LHX9: variants seen among roughly 807,000 people sequenced by gnomAD.
LHX9 encodes LIM/homeobox protein Lhx9.
In LHX9, 9 loss-of-function variants were observed where a neutral mutation model predicts 36.5. The ratio of observed to expected loss-of-function variants is 0.25; its 90% confidence interval spans 0.15 to 0.43. LHX9 has a LOEUF of 0.43. Among genes scored for constraint, LHX9 ranks in the 20% least tolerant of loss-of-function variants. The pLI is 1.00. For synonymous variants in LHX9, 211 were observed against 212.1 expected (o/e 0.99, Z 0.04); for missense variants, 464 against 526.4 (o/e 0.88, Z 1.16).
At chr1:197,920,973 A>G (rs1659965853) in intron 2 of LHX9, among the ~76,000 whole-genome samples, 1 of 152,140 alleles carries the variant, frequency 6.6e-6, no homozygotes, top group Non-Finnish European at 1.5e-5. Context: ...TTCACTTGGC[A>G]TGGCAATTTA....
intron 3 of LHX9, among the ~76,000 whole-genome samples, chr1:197,922,655 G>A (rs1215055971): frequency 1.3e-5 from 2 of 152,186 alleles, no homozygotes; most frequent in Admixed American, 6.5e-5. Flanking sequence ...CTTTTGGGGA[G>A]CCTAAGGACC....
At chr1:197,925,832 C>T (rs943248801) in intron 3 of LHX9, among the ~76,000 whole-genome samples, 3 of 152,124 alleles carry the variant, frequency 2.0e-5, no homozygotes, top group South Asian at 2.1e-4. Context: ...GATTTAATTT[C>T]GCATTAATAC....
chr1:197,931,877 G>A lies in LHX9; in HGVS notation c.*2618G>A. On this transcript the variant is annotated 3_prime_UTR_variant, in exon 5 of 5. Transcript: ENST00000367387. ...GAAATTGCAGACCCCTAAAAGCCAA[G>A]TTGCTCTGTAGTTAATAAATTGTCA... 1 of 1,468,608 alleles carries A rather than the reference G, an allele frequency of 6.8e-7. No individual in the cohort carries two copies. The highest frequency in any genetic ancestry group is 9.3e-7 in the Non-Finnish European group (1 of 1,075,442). 91.0% of individuals were successfully genotyped at this position (1,468,608 alleles called of 1,614,324 possible).
At chr1:197,928,858 G>A (rs1571407951) in intron 4 of LHX9, 144 bp from the exon 5 acceptor site, 4 of 935,654 alleles carry the variant, frequency 4.3e-6, no homozygotes, top group African/African-American at 2.5e-5. Context: ...TCCTAAGAAA[G>A]ACAAACAATG....
At position 197,917,771 on chromosome 1, in the gene LHX9, C is replaced by G. The variant is rs1049007254; in HGVS notation, c.-53C>G. ...CTGCGCTCCTACAGGGCAGCCCTCT[C>G]TGGTCCCTTGCCTCCTTCACTCGGA... is the stretch of plus-strand genomic sequence containing the variant. On this transcript the variant is annotated 5_prime_UTR_variant, in exon 1 of 5. Coordinates refer to ENST00000367387, the MANE Select transcript of LHX9 (RefSeq NM_020204.3). 35 of 1,613,636 alleles carry G rather than the reference C, an allele frequency of 2.2e-5. No individual in the cohort carries two copies. The highest frequency in any genetic ancestry group is 5.3e-5 in the African/African-American group (4 of 74,922).
Position 197,919,981 on chromosome 1 carries a change from C to T in LHX9, c.184C>T (p.Pro62Ser). The change falls in exon 2 of 5, where the codon CCG (proline) becomes TCG (serine). Residue 62 changes from proline (P) to serine (S), a missense_variant. By Grantham distance (74) the Pro-to-Ser change is moderately conservative (BLOSUM62 -1). This residue lies in a region of LHX9 where 119 missense variants were observed against 102.4 expected (regional missense o/e 1.16). Transcript: ENST00000367387. ...QLNGRDAGMP[P>S]LSPEKPALCA... is the part of the protein sequence containing the mutation. ...TGTGCTTTCTTTGCAGGGCATGCCC[C>T]CGCTCAGCCCGGAGAAGCCCGCCCT... 6.2e-7 allele frequency: 1 copy of T among 1,614,100 alleles called. No individual in the cohort carries two copies.
At chr1:197,927,839 T>A (rs769592558) in intron 4 of LHX9, 46 bp downstream of exon 4, 1 of 1,535,630 alleles carries the variant, frequency 6.5e-7, no homozygotes, top group South Asian at 1.1e-5. Context: ...CCCTTCCCCT[T>A]CCCAGTAAAA....
Position 197,934,318 on chromosome 1 carries a change from G to C in LHX9, c.*5059G>C, listed in dbSNP as rs1166620636. The C allele has an allele frequency of 6.6e-6, 1 of 152,056 alleles. No individual in the cohort carries two copies. Among genetic ancestry groups the C allele is most frequent in the Non-Finnish European group, 1.5e-5 (1 of 68,000 alleles). 9.4% of individuals were successfully genotyped at this position (152,056 alleles called of 1,614,324 possible). A position where few individuals can be genotyped will look rare whatever the true frequency, so the allele number is the denominator to read the frequency against. On this transcript the variant is annotated 3_prime_UTR_variant, in exon 5 of 5. Transcript: ENST00000367387. ...TTTTCTGTTGCAGTGTGACTGCAAG[G>C]CATGTTGTGGTGGAAATCATTAGAA... is the stretch of plus-strand genomic sequence containing the variant.
In LHX9 at chr1:197,919,986, C is replaced by T. The variant is rs1449746336; in HGVS notation, c.189C>T (p.Leu63=). The T allele has an allele frequency of 6.2e-7, 1 of 1,614,164 alleles. No individual in the cohort carries two copies. The highest frequency in any genetic ancestry group is 8.5e-7 in the Non-Finnish European group (1 of 1,180,054). Residue 63 remains leucine (L), a synonymous_variant, in exon 2 of 5, where the codon CTC becomes CTT. Coordinates refer to ENST00000367387, the MANE Select transcript of LHX9 (RefSeq NM_020204.3). ...LNGRDAGMPP[L]SPEKPALCAG... is the part of the protein sequence containing the mutation. ...TTTCTTTGCAGGGCATGCCCCCGCT[C>T]AGCCCGGAGAAGCCCGCCCTGTGCG...
chr1:197,917,507 AGTT>A lies in LHX9; in HGVS notation c.-313_-311del, dbSNP rs1659803200. On this transcript the variant is annotated 5_prime_UTR_variant, in exon 1 of 5. Coordinates refer to ENST00000367387, the MANE Select transcript of LHX9 (RefSeq NM_020204.3). ...GATTTTGTTTTCCTCCCCCCGCTGC[AGTT>A]GTTTCCCATTAGTAACTCGATCTCT... 2 of 1,400,618 alleles carry A rather than the reference AGTT, an allele frequency of 1.4e-6. No individual in the cohort carries two copies. Among genetic ancestry groups the A allele is most frequent in the Non-Finnish European group, 1.9e-6 (2 of 1,051,456 alleles). 86.8% of individuals were successfully genotyped at this position (1,400,618 alleles called of 1,614,324 possible). A position where few individuals can be genotyped will look rare whatever the true frequency, so the allele number is the denominator to read the frequency against.
Position 197,933,995 on chromosome 1 carries a change from T to A in LHX9, c.*4736T>A, listed in dbSNP as rs1417042945. The A allele has an allele frequency of 6.6e-6, 1 of 152,188 alleles. No individual in the cohort carries two copies. Among genetic ancestry groups the A allele is most frequent in the African/African-American group, 2.4e-5 (1 of 41,450 alleles). The allele number at this position is 152,188 out of a possible 1,614,324, so 9.4% of individuals were successfully genotyped here. A position where few individuals can be genotyped will look rare whatever the true frequency, so the allele number is the denominator to read the frequency against. On this transcript the variant is annotated 3_prime_UTR_variant, in exon 5 of 5. Coordinates refer to ENST00000367387, the MANE Select transcript of LHX9 (RefSeq NM_020204.3). ...CTGGGTTAGTCTAACTTCTGGCAGA[T>A]TGATCTTGGGCAAAAAGCTTCACTG...
At chr1:197,922,756 C>A (rs1229940654) in intron 3 of LHX9, among the ~76,000 whole-genome samples, 1 of 152,132 alleles carries the variant, frequency 6.6e-6, no homozygotes, top group Non-Finnish European at 1.5e-5. Context: ...TTGGAAGGAA[C>A]CTTGAGGACC....
intron 4 of LHX9, 97 bp from the exon 5 acceptor site, chr1:197,928,905 A>AAT: frequency 9.4e-6 from 11 of 1,167,288 alleles, no homozygotes; most frequent in Non-Finnish European, 1.3e-5. Context: ...AAAAAAAAAA[A>AAT]GAAAGAAAGA....
chr1:197,913,669 G>A (rs1659676448), upstream of LHX9, among the ~76,000 whole-genome samples: 1 of 152,182 alleles, frequency 6.6e-6, no homozygotes, highest in African/African-American at 2.4e-5. Context: ...TGACGCTGAC[G>A]TTTCACTGGG....
chr1:197,931,772 G>C lies in LHX9; in HGVS notation c.*2513G>C. ...AGGCTAATTAGCATATAAAGTAATT[G>C]CATGGAACGAAACCTTAAATATGAT... On this transcript the variant is annotated 3_prime_UTR_variant, in exon 5 of 5. Transcript: ENST00000367387. The C allele has an allele frequency of 1.8e-6, 1 of 551,570 alleles. No homozygotes were observed. The highest frequency in any genetic ancestry group is 2.8e-5 in the East Asian group (1 of 35,140). The allele number at this position is 551,570 out of a possible 1,614,324, so 34.2% of individuals were successfully genotyped here.
Position 197,927,607 on chromosome 1 carries a change from G to A in LHX9, c.750G>A (p.Glu250=). The change falls in exon 4 of 5, where the codon GAG becomes GAA. Residue 250 remains glutamate, a synonymous_variant. Transcript: ENST00000367387. ...CTGCAACAGGTTGTAATGAGAATGA[G>A]GCAGACCACTTGGACCGGGACCAGC... The part of the protein sequence containing the change: ...VNYNSGCNEN[E]ADHLDRDQQP... 1 of 1,614,142 alleles carries A rather than the reference G, an allele frequency of 6.2e-7. No individual in the cohort carries two copies. Among genetic ancestry groups the A allele is most frequent in the Non-Finnish European group, 8.5e-7 (1 of 1,180,012 alleles).
chr1:197,916,788 T>C (rs755470076), upstream of LHX9: 1 of 702,810 alleles, frequency 1.4e-6, no homozygotes, highest in Non-Finnish European at 2.6e-6. Flanking sequence ...CAGCTGCTTT[T>C]AAAAGTGGAT....
In LHX9 at chr1:197,932,291, A is replaced by G. The variant is rs1379157038; in HGVS notation, c.*3032A>G. 4.1e-6 allele frequency: 1 copy of G among 242,466 alleles called. No individual in the cohort carries two copies. Among genetic ancestry groups the G allele is most frequent in the Non-Finnish European group, 8.0e-6 (1 of 125,388 alleles). 15.0% of individuals were successfully genotyped at this position (242,466 alleles called of 1,614,324 possible). A position where few individuals can be genotyped will look rare whatever the true frequency, so the allele number is the denominator to read the frequency against. ...TGAAAAAAATTTCACACATTTGTCA[A>G]GCACAGTTGTAAAATAAAGTCCAAA... On this transcript the variant is annotated 3_prime_UTR_variant, in exon 5 of 5. Coordinates refer to ENST00000367387, the MANE Select transcript of LHX9 (RefSeq NM_020204.3).
At chr1:197,916,412 G>T, upstream of LHX9, 1 of 505,600 alleles carries the variant, frequency 2.0e-6, no homozygotes, top group Non-Finnish European at 3.5e-6. Context: ...CCAGGGTAGT[G>T]GGAGAAGCAC....
Sources: allele counts gnomAD v4.1 joint callset (sites outside exome capture counted in the v4.1 genomes callset), GRCh38; gene constraint gnomAD v4.1.1; regional missense constraint gnomAD v4.1.1; transcripts MANE v1.5; gene names NCBI Gene and HGNC (gene_info 2026-07-23, HGNC 2026-07-21).